PDE1C: variants seen among roughly 807,000 people sequenced by gnomAD.
PDE1C encodes the protein phosphodiesterase 1C.
Under a neutral mutation model 93.1 loss-of-function variants are expected in PDE1C, and 62 were observed. That is an observed-to-expected ratio of 0.67 (90% confidence interval 0.54 to 0.82). PDE1C has a LOEUF of 0.82. Ranked by LOEUF, PDE1C falls within the 40% of genes least tolerant of loss-of-function variation. The pLI is 0.00. For synonymous variants in PDE1C, 325 were observed against 310.1 expected (o/e 1.05, Z -0.50); for missense variants, 742 against 884.6 (o/e 0.84, Z 2.04).
At chr7:32,143,388 C>T (rs1437015085) in intron 3 of PDE1C, among the ~76,000 whole-genome samples, 3 of 151,060 alleles carry the variant, frequency 2.0e-5, no homozygotes, top group South Asian at 4.2e-4. Context: ...TAGGGAACAG[C>T]GAGAAGGGTA....
intron 2 of PDE1C, among the ~76,000 whole-genome samples, chr7:31,925,004 A>C (rs1029103738): frequency 6.6e-6 from 1 of 151,592 alleles, no homozygotes; most frequent in Non-Finnish European, 1.5e-5. Flanking sequence ...TAGAAAATGT[A>C]TTCCTATCCT....
intron 9 of PDE1C, among the ~76,000 whole-genome samples, chr7:31,844,032 T>C (rs1792236360): frequency 6.6e-6 from 1 of 151,946 alleles, no homozygotes; most frequent in South Asian, 2.1e-4. Flanking sequence ...CTTTATGTTA[T>C]CATTGTCACA....
intron 3 of PDE1C, among the ~76,000 whole-genome samples, chr7:32,117,742 T>A (rs147247350): frequency 5.0e-4 from 76 of 152,304 alleles, no homozygotes; most frequent in African/African-American, 1.8e-3. Flanking sequence ...GTCAAGAGTG[T>A]TCAAAATCTA....
chr7:31,642,757 G>A, the PDE1C span: 1 of 1,614,000 alleles, frequency 6.2e-7, no homozygotes. Context: ...CCACAGCTTA[G>A]TATCATCCCA....
At chr7:31,892,303 G>A (rs1403006974) in intron 2 of PDE1C, among the ~76,000 whole-genome samples, 4 of 152,166 alleles carry the variant, frequency 2.6e-5, no homozygotes, top group Non-Finnish European at 5.9e-5. Flanking sequence ...GGAGCTTGGT[G>A]AGAACCAGAC....
At chr7:32,063,627 T>G (rs900615647) in intron 1 of PDE1C, among the ~76,000 whole-genome samples, 1 of 152,126 alleles carries the variant, frequency 6.6e-6, no homozygotes, top group Non-Finnish European at 1.5e-5. Flanking sequence ...GTAAAGAAAA[T>G]TTCACTGTAA....
intron 16 of PDE1C, among the ~76,000 whole-genome samples, chr7:31,778,187 T>C (rs1409270393): frequency 6.6e-6 from 1 of 152,216 alleles, no homozygotes. Flanking sequence ...AAGCCAGTGC[T>C]GCCACAATGC....
rs58092770 is a variant in PDE1C, at chr7:31,790,088, A to C, written c.1892-14356T>G. ...CCCCTGGAAGGAGATGGTGTGAGGGAAGGCCAAGGGTCAGGGGGTGGGGGG... is the reference window on the plus strand; with the variant it reads ...CCCCTGGAAGGAGATGGTGTGAGGGCAGGCCAAGGGTCAGGGGGTGGGGGG... On this transcript the variant is annotated intron_variant, in intron 16 of 17. Coordinates refer to ENST00000396191, the MANE Select transcript of PDE1C (RefSeq NM_001191057.4). 5.0e-5 allele frequency: 74 copies of C among 1,469,860 alleles called. No homozygotes were observed. The African/African-American group carries it at 9.1e-4, about 18-fold the overall frequency. 91.1% of individuals were successfully genotyped at this position (1,469,860 alleles called of 1,614,324 possible).
intron 2 of PDE1C, among the ~76,000 whole-genome samples, chr7:32,193,132 T>A (rs1004179509): frequency 6.6e-6 from 1 of 152,182 alleles, no homozygotes; most frequent in Non-Finnish European, 1.5e-5. Context: ...TTTATCTGTA[T>A]GTTTTTAAAT....
chr7:32,105,601 C>T (rs1374622741), intron 3 of PDE1C, among the ~76,000 whole-genome samples: 2 of 152,130 alleles, frequency 1.3e-5, no homozygotes, highest in East Asian at 3.9e-4. Context: ...GGCAGATAAG[C>T]GTCCAGCTTC....
At chr7:32,291,901 C>T (rs1255215697) in intron 1 of PDE1C, among the ~76,000 whole-genome samples, 1 of 152,182 alleles carries the variant, frequency 6.6e-6, no homozygotes, top group Non-Finnish European at 1.5e-5. Flanking sequence ...AAGTGACTTA[C>T]CCGGGATCAA....
intron 5 of PDE1C, 73 bp downstream of exon 5, chr7:31,877,897 T>G: frequency 2.1e-6 from 2 of 957,396 alleles, no homozygotes; most frequent in South Asian, 3.0e-5. Context: ...GAAAGCCTCT[T>G]ATTTTCTAAC....
intron 1 of PDE1C, among the ~76,000 whole-genome samples, chr7:32,269,469 C>T (rs722837): frequency 0.97 from 148,068 of 152,184 alleles, 72,159 homozygotes; most frequent in Non-Finnish European, 1. Flanking sequence ...TGTTTTGTTT[C>T]GTTTTTCGGT....
chr7:32,415,115 G>A (rs1292029074), intron 1 of PDE1C, among the ~76,000 whole-genome samples: 2 of 152,112 alleles, frequency 1.3e-5, no homozygotes, highest in African/African-American at 4.8e-5. Flanking sequence ...CCAAGTATTC[G>A]AGATCAGCCT....
At chr7:32,095,237 A>G (rs1398094420) in intron 3 of PDE1C, among the ~76,000 whole-genome samples, 2 of 152,210 alleles carry the variant, frequency 1.3e-5, no homozygotes, top group African/African-American at 4.8e-5. Flanking sequence ...GAAGACTGAA[A>G]ATCTTGGGAA....
At chr7:32,382,075 G>T (rs1048288956) in intron 1 of PDE1C, among the ~76,000 whole-genome samples, 25 of 152,124 alleles carry the variant, frequency 1.6e-4, no homozygotes, top group African/African-American at 6.0e-4. Flanking sequence ...CAGAAAGGTT[G>T]ACTATTTTGC....
chr7:32,071,551 A>C, upstream of PDE1C: 16 of 362,720 alleles, frequency 4.4e-5, no homozygotes, highest in Non-Finnish European at 6.1e-5. Context: ...AAATATACCA[A>C]TAGTGAGGAG....
intron 1 of PDE1C, among the ~76,000 whole-genome samples, chr7:32,260,769 A>C (rs1810141659): frequency 6.7e-6 from 1 of 149,386 alleles, no homozygotes; most frequent in Non-Finnish European, 1.5e-5. Context: ...TTTCCCGAAA[A>C]GACCCCCTTC....
rs150360765 is a variant in PDE1C, at chr7:31,895,950, A to G, written c.129-15090T>C. Among the ~76,000 whole-genome samples the G allele has an allele frequency of 4.8e-3, 734 of 151,912 alleles. 3 individuals are homozygous for G. The highest frequency in any genetic ancestry group is 8.5e-3 in the Non-Finnish European group (576 of 67,934). ...TTATAAATTACCCAGTGTCAGCTAT[A>G]TATTTATTAGCAGCATGAGAACAGA... On this transcript the variant is annotated intron_variant, in intron 2 of 17. Transcript: ENST00000396191.
Sources: allele counts gnomAD v4.1 joint callset (sites outside exome capture counted in the v4.1 genomes callset), GRCh38; gene constraint gnomAD v4.1.1; transcripts MANE v1.5; gene names NCBI Gene and HGNC (gene_info 2026-07-23, HGNC 2026-07-21).